MTCL1: variants seen among roughly 807,000 people sequenced by gnomAD.
MTCL1 encodes microtubule cross-linking factor 1.
A neutral mutation model predicts 141.4 loss-of-function variants in MTCL1; 79 were observed. The observed-to-expected ratio is 0.56, with a 90% CI of 0.47 to 0.67. The LOEUF is 0.67. Ranked by LOEUF, MTCL1 falls within the 30% of genes least tolerant of loss-of-function variation. The pLI, the probability that MTCL1 is intolerant of heterozygous loss-of-function variation, is 0.00. For missense variants in MTCL1, 2,177 were observed against 2,113.9 expected (o/e 1.03, Z -0.59); for synonymous variants, 914 against 875.8 (o/e 1.04, Z -0.77).
At chr18:8,782,758 C>T (rs1004540464) in intron 5 of MTCL1, 2 of 152,258 alleles carry the variant, frequency 1.3e-5, no homozygotes, top group African/African-American at 4.8e-5. Context: ...TGGCAAGAGG[C>T]TGCAAGGAGC....
At chr18:8,764,810 A>G (rs2096451964) in intron 4 of MTCL1, among the ~76,000 whole-genome samples, 1 of 152,238 alleles carries the variant, frequency 6.6e-6, no homozygotes, top group South Asian at 2.1e-4. Flanking sequence ...AGTAAAGTGC[A>G]TTATCCAATG....
intron 4 of MTCL1, among the ~76,000 whole-genome samples, chr18:8,733,148 T>C (rs1283646678): frequency 2.6e-5 from 4 of 152,180 alleles, no homozygotes; most frequent in Admixed American, 2.6e-4. Context: ...ACGCAGTGCC[T>C]GGGAGCCAGG....
chr18:8,793,011 C>G, exon 8 of MTCL1: 1 of 1,614,036 alleles, frequency 6.2e-7, no homozygotes, highest in Non-Finnish European at 8.5e-7. Flanking sequence ...AGGGGCCCCC[C>G]CGTTTTACCT....
At chr18:8,751,925 A>G (rs774942151) in intron 4 of MTCL1, among the ~76,000 whole-genome samples, 3 of 152,180 alleles carry the variant, frequency 2.0e-5, no homozygotes, top group Admixed American at 6.5e-5. Flanking sequence ...TTTAAGGCCA[A>G]GCTGCTGCAG....
intron 4 of MTCL1, among the ~76,000 whole-genome samples, chr18:8,773,653 G>A (rs574615779): frequency 6.6e-5 from 10 of 150,866 alleles, no homozygotes; most frequent in Admixed American, 1.3e-4. Context: ...TTTTTTTCTC[G>A]TTCCTTGTAT....
intron 4 of MTCL1, among the ~76,000 whole-genome samples, chr18:8,765,142 C>T (rs1327191304): frequency 6.6e-6 from 1 of 152,210 alleles, no homozygotes; most frequent in Non-Finnish European, 1.5e-5. Flanking sequence ...GCTGCTTGAT[C>T]TCCAAGTGGC....
intron 4 of MTCL1, among the ~76,000 whole-genome samples, chr18:8,764,943 A>G (rs745410503): frequency 3.3e-5 from 5 of 152,238 alleles, no homozygotes; most frequent in East Asian, 1.9e-4. Flanking sequence ...ATTACTCCCA[A>G]TGATAAAAAG....
exon 1 of MTCL1, chr18:8,706,224 C>G: frequency 8.1e-7 from 1 of 1,227,786 alleles, no homozygotes; most frequent in Non-Finnish European, 1.0e-6. Context: ...CCGTGACCCT[C>G]GCGGTGACCT....
At chr18:8,776,395 G>C in intron 4 of MTCL1, among the ~76,000 whole-genome samples, 1 of 152,122 alleles carries the variant, frequency 6.6e-6, no homozygotes, top group South Asian at 2.1e-4. Context: ...CCCTTTGCAG[G>C]AGCTGGCATA....
chr18:8,831,461 G>A (rs1171392416), intron 16 of MTCL1, 146 bp from the exon 15 acceptor site: 1 of 1,440,086 alleles, frequency 6.9e-7, no homozygotes, highest in African/African-American at 1.4e-5. Flanking sequence ...TATTCTGCAT[G>A]AGCATAGAAA....
intron 8 of MTCL1, among the ~76,000 whole-genome samples, chr18:8,794,890 C>G (rs1200883548): frequency 1.3e-5 from 2 of 152,158 alleles, no homozygotes; most frequent in East Asian, 3.9e-4. Context: ...CCAGATGGTG[C>G]AAAAGATCCC....
At chr18:8,789,318 T>C in intron 7 of MTCL1, 1 of 765,462 alleles carries the variant, frequency 1.3e-6, no homozygotes, top group Non-Finnish European at 1.6e-6. Flanking sequence ...GTTGCAAAAC[T>C]GGCCAGGACA....
chr18:8,723,907 TC>T lies in MTCL1; in HGVS notation c.357+3412del, dbSNP rs2096190147. On this transcript the variant is annotated intron_variant, in intron 4 of 16. Transcript: ENST00000359865. ...AAGTAACAGAAGCCAGACATACTGT[TC>T]GATTCCATTGATAAGAAATATCCAG... Among the ~76,000 whole-genome samples, 3 of 152,280 alleles carry T rather than the reference TC, an allele frequency of 2.0e-5. No homozygotes were observed. In the South Asian group the frequency reaches 6.2e-4, roughly 32 times the overall value.
At position 8,809,700 on chromosome 18, in the gene MTCL1, G is replaced by A. The variant is rs370256451; in HGVS notation, c.2604+2640G>A. On this transcript the variant is annotated intron_variant, in intron 11 of 16. Coordinates refer to ENST00000359865, the Ensembl canonical transcript of MTCL1. The stretch of plus-strand genomic sequence containing the variant: ...GACGCCGTGGAGCAACAGGCACCTC[G>A]CACGGCTGTCAGGTTTCTAGTACGG... The A allele has an allele frequency of 3.2e-5, 42 of 1,332,212 alleles. No individual in the cohort carries two copies. The South Asian group carries it at 4.7e-4, about 15-fold the overall frequency. 82.5% of individuals were successfully genotyped at this position (1,332,212 alleles called of 1,614,324 possible).
chr18:8,758,117 C>T (rs959364017), intron 4 of MTCL1, among the ~76,000 whole-genome samples: 6 of 151,692 alleles, frequency 4.0e-5, no homozygotes, highest in African/African-American at 9.7e-5. Flanking sequence ...CTCCACCTCC[C>T]GGGTTCAAGC....
At chr18:8,787,628 C>T (rs1386660841) in intron 7 of MTCL1, among the ~76,000 whole-genome samples, 1 of 152,220 alleles carries the variant, frequency 6.6e-6, no homozygotes, top group Admixed American at 6.5e-5. Flanking sequence ...TATATTTTAA[C>T]AAGAGAGCTA....
At chr18:8,786,590 C>G (rs2096556839) in intron 7 of MTCL1, 1 of 349,984 alleles carries the variant, frequency 2.9e-6, no homozygotes, top group Non-Finnish European at 5.6e-6. Flanking sequence ...TGTGGGCACC[C>G]CTAGCAGTGT....
At chr18:8,734,684 G>C (rs8094051) in intron 4 of MTCL1, among the ~76,000 whole-genome samples, 64,009 of 152,044 alleles carry the variant, frequency 0.42, 13,744 homozygotes, top group African/African-American at 0.47. Context: ...CTTTTACTGA[G>C]GTGGTGAAAG....
chr18:8,814,481 T>C (rs537108443), intron 12 of MTCL1, among the ~76,000 whole-genome samples: 3 of 152,390 alleles, frequency 2.0e-5, no homozygotes, highest in African/African-American at 7.2e-5. Context: ...GGCCATTTCC[T>C]TTCTGGCTTG....
Sources: gnomAD v4.1 joint callset for allele counts (sites outside exome capture counted in the v4.1 genomes callset) on GRCh38, gnomAD v4.1.1 for gene constraint, MANE v1.5 for transcripts, NCBI Gene and HGNC (gene_info 2026-07-23, HGNC 2026-07-21) for gene names.